Variants in NBAS observed in about 807,000 individuals in gnomAD.
The protein encoded by NBAS is NAG/BC035112 fusion.
NBAS carries 219 observed loss-of-function variants against 302.5 expected under a neutral mutation model. The observed-to-expected ratio is 0.72, with a 90% CI of 0.65 to 0.81. The LOEUF (loss-of-function observed/expected upper bound fraction) is 0.81, where lower values mean the gene tolerates loss of function less well. NBAS is among the 30% of genes least tolerant of loss of function. The pLI, the probability that NBAS is intolerant of heterozygous loss-of-function variation, is 0.00. For missense variants in NBAS, 2,932 were observed against 2,841.6 expected (o/e 1.03, Z -0.72); for synonymous variants, 1,118 against 1,021.6 (o/e 1.09, Z -1.80).
the NBAS span, among the ~76,000 whole-genome samples, chr2:14,991,522 C>T: frequency 6.6e-6 from 1 of 152,166 alleles, no homozygotes; most frequent in African/African-American, 2.4e-5. Context: ...CCTGCAGCAC[C>T]ATGGTTCTCA....
intron 9 of NBAS, among the ~76,000 whole-genome samples, chr2:15,516,722 CAAA>C (rs67488599): frequency 0.012 from 1,570 of 135,822 alleles, 18 homozygotes; most frequent in East Asian, 0.077. Context: ...GACTCCATTT[CAAA>C]AAAAAAAAAA....
chr2:15,547,407 CAG>C (rs1158293559), intron 6 of NBAS, among the ~76,000 whole-genome samples: 3 of 152,100 alleles, frequency 2.0e-5, no homozygotes, highest in Non-Finnish European at 4.4e-5. Flanking sequence ...GCCATTAATG[CAG>C]TATTAAGGTC....
At chr2:15,318,207 G>C (rs1268085251) in intron 38 of NBAS, among the ~76,000 whole-genome samples, 1 of 152,178 alleles carries the variant, frequency 6.6e-6, no homozygotes, top group African/African-American at 2.4e-5. Context: ...CTGAGATTTT[G>C]TCACTACCAG....
the NBAS span, among the ~76,000 whole-genome samples, chr2:14,830,284 AATTAGCCTC>A: frequency 4.6e-5 from 7 of 150,578 alleles, no homozygotes; most frequent in Non-Finnish European, 7.4e-5. Context: ...GGTCTCACAT[AATTAGCCTC>A]ATGTAATTAA....
At chr2:15,109,571 C>G in the NBAS span, among the ~76,000 whole-genome samples, 1 of 152,144 alleles carries the variant, frequency 6.6e-6, no homozygotes. Flanking sequence ...ATTTATTTCT[C>G]ACAGTTCTGG....
At chr2:14,782,557 A>G in the NBAS span, among the ~76,000 whole-genome samples, 1 of 152,184 alleles carries the variant, frequency 6.6e-6, no homozygotes, top group African/African-American at 2.4e-5. Context: ...GTGATTCCCC[A>G]AAGAGCTAAA....
chr2:15,529,939 C>T (rs1008733969), intron 9 of NBAS, among the ~76,000 whole-genome samples: 1 of 152,078 alleles, frequency 6.6e-6, no homozygotes, highest in African/African-American at 2.4e-5. Flanking sequence ...TTATTTGCAG[C>T]ATATATGATT....
chr2:15,202,175 A>C (rs899536302), intron 48 of NBAS, among the ~76,000 whole-genome samples: 1 of 152,190 alleles, frequency 6.6e-6, no homozygotes. Flanking sequence ...CAAGCAGCCT[A>C]CACATCCGTG....
the NBAS span, among the ~76,000 whole-genome samples, chr2:14,954,646 T>C: frequency 1.3e-5 from 2 of 152,164 alleles, no homozygotes; most frequent in African/African-American, 2.4e-5. Context: ...CTTACCATCA[T>C]GGCAGAAGGG....
rs565086482 is a variant in NBAS at position 15,546,588 on chromosome 2, G to A, written c.379+4905C>T. The stretch of plus-strand genomic sequence containing the variant: ...TACTAAAAACACAAAAATTAGCTGG[G>A]CATGGTGGCAGGTGCCTATAATCCC... On this transcript the variant is annotated intron_variant, in intron 6 of 51. Transcript: ENST00000281513. 2.4e-4 allele frequency among the ~76,000 whole-genome samples: 37 copies of A among 152,282 alleles called. No individual in the cohort carries two copies. The South Asian group carries it at 6.4e-3, about 26-fold the overall frequency.
intron 42 of NBAS, among the ~76,000 whole-genome samples, chr2:15,278,809 C>T (rs951285965): frequency 2.0e-5 from 3 of 152,112 alleles, no homozygotes; most frequent in Admixed American, 1.3e-4. Flanking sequence ...GCTATGCCTG[C>T]AGAAGATGTA....
chr2:14,892,036 T>C, the NBAS span, among the ~76,000 whole-genome samples: 1 of 152,302 alleles, frequency 6.6e-6, no homozygotes, highest in Admixed American at 6.5e-5. Context: ...GACTTTTCCT[T>C]CCACTGTTAT....
intron 48 of NBAS, among the ~76,000 whole-genome samples, chr2:15,200,355 A>G (rs577490955): frequency 6.6e-6 from 1 of 152,304 alleles, no homozygotes; most frequent in South Asian, 2.1e-4. Flanking sequence ...TAAATATGGT[A>G]TTTCAAATGA....
chr2:15,171,726 C>G (rs1240473216), intron 51 of NBAS, among the ~76,000 whole-genome samples: 2 of 152,144 alleles, frequency 1.3e-5, no homozygotes, highest in African/African-American at 4.8e-5. Context: ...TATTTACAGA[C>G]AGGGACTTTA....
At chr2:15,143,280 C>T in the NBAS span, among the ~76,000 whole-genome samples, 2 of 152,150 alleles carry the variant, frequency 1.3e-5, no homozygotes, top group Non-Finnish European at 2.9e-5. Flanking sequence ...TCATTGAGCC[C>T]GTGGTCCTGC....
chr2:15,034,780 C>G, the NBAS span, among the ~76,000 whole-genome samples: 2 of 152,054 alleles, frequency 1.3e-5, no homozygotes, highest in African/African-American at 4.8e-5. Context: ...AAGCAGAATA[C>G]TATAGGACCT....
intron 7 of NBAS, among the ~76,000 whole-genome samples, chr2:15,538,718 C>G (rs1268240997): frequency 6.6e-6 from 1 of 152,144 alleles, no homozygotes; most frequent in Non-Finnish European, 1.5e-5. Flanking sequence ...CCCACTCAAT[C>G]TTAGTTTTCT....
intron 11 of NBAS, among the ~76,000 whole-genome samples, chr2:15,490,122 T>C (rs1680792023): frequency 6.6e-6 from 1 of 152,122 alleles, no homozygotes; most frequent in Non-Finnish European, 1.5e-5. Context: ...GCTATAGAAC[T>C]GAAAATGAAA....
intron 47 of NBAS, among the ~76,000 whole-genome samples, chr2:15,230,727 C>A (rs1667347397): frequency 6.6e-6 from 1 of 152,174 alleles, no homozygotes. Flanking sequence ...TCAGCCTAGC[C>A]TGAAAGAAGC....
Sources: gnomAD v4.1 joint callset for allele counts (sites outside exome capture counted in the v4.1 genomes callset) on GRCh38, gnomAD v4.1.1 for gene constraint, MANE v1.5 for transcripts, NCBI Gene and HGNC (gene_info 2026-07-23, HGNC 2026-07-21) for gene names.